The following NKAIN3 variants were observed in gnomAD, a reference collection of about 807,000 sequenced individuals.
NKAIN3 encodes the protein sodium/potassium transporting ATPase interacting 3, also known as sodium/potassium-transporting ATPase subunit beta-1-interacting protein 3.
In NKAIN3, 25 loss-of-function variants were observed where a neutral mutation model predicts 30.2. That is an observed-to-expected ratio of 0.83 (90% confidence interval 0.60 to 1.16). The LOEUF (loss-of-function observed/expected upper bound fraction) is 1.16, where lower values mean the gene tolerates loss of function less well. Among genes scored for constraint, NKAIN3 ranks in the 50% most tolerant of loss-of-function variants. NKAIN3 has a pLI of 0.00. For synonymous variants in NKAIN3, 91 were observed against 89.6 expected, an observed-to-expected ratio of 1.02 and a Z score of -0.09; for missense variants, 225 against 254.1, an observed-to-expected ratio of 0.89 and a Z score of 0.78.
At chr8:62,541,487 A>G (rs184959250) in intron 1 of NKAIN3, among the ~76,000 whole-genome samples, 2 of 152,234 alleles carry the variant, frequency 1.3e-5, no homozygotes, top group African/African-American at 2.4e-5. Flanking sequence ...TTTTTGGAGT[A>G]ATTTTCATTC....
intron 1 of NKAIN3, among the ~76,000 whole-genome samples, chr8:62,503,726 A>G (rs749143236): frequency 3.3e-5 from 5 of 152,110 alleles, no homozygotes; most frequent in Non-Finnish European, 5.9e-5. Flanking sequence ...ATGTCCATTT[A>G]TAGGCTCTCT....
intron 3 of NKAIN3, among the ~76,000 whole-genome samples, chr8:62,740,912 G>C (rs1015974564): frequency 6.6e-6 from 1 of 151,778 alleles, no homozygotes; most frequent in African/African-American, 2.4e-5. Flanking sequence ...TCATAACTCT[G>C]TGAATATATA....
chr8:62,942,247 CAT>C (rs1286758187), intron 5 of NKAIN3, among the ~76,000 whole-genome samples: 167 of 141,736 alleles, frequency 1.2e-3, no homozygotes, highest in Middle Eastern at 3.7e-3. Flanking sequence ...CATATATATA[CAT>C]ATATATATAC....
At chr8:62,719,292 C>T (rs368000147) in intron 3 of NKAIN3, among the ~76,000 whole-genome samples, 2 of 152,180 alleles carry the variant, frequency 1.3e-5, no homozygotes, top group East Asian at 3.8e-4. Context: ...CCACTCTCAT[C>T]TCATAAGTCC....
At chr8:62,747,545 T>C (rs1816121558) in intron 4 of NKAIN3, among the ~76,000 whole-genome samples, 1 of 152,194 alleles carries the variant, frequency 6.6e-6, no homozygotes, top group African/African-American at 2.4e-5. Flanking sequence ...TGACATTTCA[T>C]TTATTCCTTA....
At chr8:62,272,901 G>C (rs545122241) in intron 1 of NKAIN3, among the ~76,000 whole-genome samples, 1 of 152,244 alleles carries the variant, frequency 6.6e-6, no homozygotes, top group South Asian at 2.1e-4. Flanking sequence ...CACATAAACT[G>C]TTGTCAGTCT....
In NKAIN3 at chr8:62,966,268, G is replaced by C. The variant is rs574296408; in HGVS notation, c.*861G>C. The C allele has an allele frequency of 4.1e-6, 4 of 985,264 alleles. No individual in the cohort carries two copies. The highest frequency in any genetic ancestry group is 3.6e-6 in the Non-Finnish European group (3 of 829,822). 61.0% of individuals were successfully genotyped at this position (985,264 alleles called of 1,614,324 possible). ...GGATATTCAAAAGAAGCCTGAAAAT[G>C]CTGTAGCATTCTCTATAAATACTTC... On this transcript the variant is annotated 3_prime_UTR_variant, in exon 7 of 7. Transcript: ENST00000623646.
At chr8:62,870,256 A>ATAGATATAGATATAGATATC (rs1820572286) in intron 4 of NKAIN3, among the ~76,000 whole-genome samples, 2 of 45,600 alleles carry the variant, frequency 4.4e-5, no homozygotes, top group African/African-American at 1.1e-4. Flanking sequence ...ATATCTATAT[A>ATAGATATAGATATAGATATC]TATATCTATA....
chr8:62,628,664 G>A (rs1415531955), intron 3 of NKAIN3, among the ~76,000 whole-genome samples: 1 of 152,018 alleles, frequency 6.6e-6, no homozygotes, highest in East Asian at 1.9e-4. Context: ...CATGTGCAAT[G>A]TTCTTAATGT....
At chr8:62,798,352 A>G (rs1395579449) in intron 4 of NKAIN3, among the ~76,000 whole-genome samples, 2 of 152,112 alleles carry the variant, frequency 1.3e-5, no homozygotes, top group African/African-American at 4.8e-5. Context: ...TGGGCGGATC[A>G]TGAGGTCAGG....
intron 1 of NKAIN3, among the ~76,000 whole-genome samples, chr8:62,522,949 T>G (rs762895091): frequency 5.3e-5 from 8 of 152,140 alleles, no homozygotes; most frequent in Non-Finnish European, 1.2e-4. Context: ...AAATTTAGTG[T>G]ACCCTAAGTG....
intron 3 of NKAIN3, among the ~76,000 whole-genome samples, chr8:62,705,663 C>A (rs999842315): frequency 6.6e-6 from 1 of 151,952 alleles, no homozygotes; most frequent in Non-Finnish European, 1.5e-5. Context: ...AATTTTTTTA[C>A]TCTACTTTCA....
At chr8:62,787,229 G>C (rs936637494) in intron 4 of NKAIN3, among the ~76,000 whole-genome samples, 2 of 152,088 alleles carry the variant, frequency 1.3e-5, no homozygotes, top group Non-Finnish European at 2.9e-5. Flanking sequence ...TATGCTGTAT[G>C]TGTCAAGTAA....
chr8:62,295,487 G>C (rs145202837), intron 1 of NKAIN3, among the ~76,000 whole-genome samples: 127 of 152,262 alleles, frequency 8.3e-4, no homozygotes, highest in Middle Eastern at 3.4e-3. Flanking sequence ...GCAGCAGTGT[G>C]AACTAGAGCA....
rs973492484 is a variant in NKAIN3 at position 62,646,020 on chromosome 8, T to A, written c.273+56226T>A. Among the ~76,000 whole-genome samples the A allele has an allele frequency of 2.0e-5, 3 of 151,814 alleles. No homozygotes were observed. The East Asian group carries it at 5.8e-4, about 29-fold the overall frequency. On this transcript the variant is annotated intron_variant, in intron 3 of 6. Transcript: ENST00000623646. ...AATCTCAAAACTTATTACTTTGAAA[T>A]ACATACCAAAATCTTTGGAGATGGA...
intron 1 of NKAIN3, among the ~76,000 whole-genome samples, chr8:62,484,012 G>A (rs1171948407): frequency 1.3e-5 from 2 of 152,186 alleles, no homozygotes; most frequent in African/African-American, 4.8e-5. Context: ...GCCAAGTGAA[G>A]GGCTGACAGA....
chr8:62,268,852 A>T (rs1055731684), intron 1 of NKAIN3, among the ~76,000 whole-genome samples: 1 of 152,172 alleles, frequency 6.6e-6, no homozygotes, highest in Non-Finnish European at 1.5e-5. Flanking sequence ...GTATATGCAT[A>T]ATACTACAAA....
At position 62,966,204 on chromosome 8, in the gene NKAIN3, A is replaced by G; in HGVS notation, c.*797A>G. Reference sequence around the variant, plus strand: ...CAGCTCATGGGCTTGTGGGACAGAAATCACAAACATAGACCTGCAGTCAGG... The same window carrying G: ...CAGCTCATGGGCTTGTGGGACAGAAGTCACAAACATAGACCTGCAGTCAGG... On this transcript the variant is annotated 3_prime_UTR_variant, in exon 7 of 7. Transcript: ENST00000623646. 3.0e-6 allele frequency: 3 copies of G among 985,128 alleles called. No homozygotes were observed. Among genetic ancestry groups the G allele is most frequent in the Non-Finnish European group, 3.6e-6 (3 of 829,682 alleles). 61.0% of individuals were successfully genotyped at this position (985,128 alleles called of 1,614,324 possible). A position where few individuals can be genotyped will look rare whatever the true frequency, so the allele number is the denominator to read the frequency against.
intron 3 of NKAIN3, among the ~76,000 whole-genome samples, chr8:62,703,748 A>G (rs1296731193): frequency 2.0e-5 from 3 of 152,154 alleles, no homozygotes; most frequent in Non-Finnish European, 2.9e-5. Flanking sequence ...TGTTTAATGT[A>G]TTTTTATTTA....
Sources: allele counts gnomAD v4.1 joint callset (sites outside exome capture counted in the v4.1 genomes callset), GRCh38; gene constraint gnomAD v4.1.1; transcripts MANE v1.5; gene names NCBI Gene and HGNC (gene_info 2026-07-23, HGNC 2026-07-21).